Variants in MGMT observed in about 807,000 individuals in gnomAD.
MGMT encodes the protein methylated-DNA--protein-cysteine methyltransferase.
Under a neutral mutation model 15.9 loss-of-function variants are expected in MGMT, and 14 were observed. The observed-to-expected ratio is 0.88, with a 90% CI of 0.58 to 1.37. The LOEUF is 1.37. Ranked by LOEUF, MGMT falls within the 40% of genes most tolerant of loss-of-function variation. The probability of loss-of-function intolerance (pLI) is 0.00; values close to 1 mark genes in which losing one functional copy is unlikely to be tolerated. For missense variants in MGMT, 282 were observed against 268.1 expected (o/e 1.05, Z -0.36); for synonymous variants, 130 against 118.2 (o/e 1.10, Z -0.65).
At chr10:129,597,636 G>A (rs913557619) in intron 2 of MGMT, among the ~76,000 whole-genome samples, 3 of 152,136 alleles carry the variant, frequency 2.0e-5, no homozygotes, top group Non-Finnish European at 2.9e-5. Context: ...TCTGTGACTG[G>A]GGTTAGCAAA....
chr10:129,489,783 C>T (rs532539474), intron 1 of MGMT, among the ~76,000 whole-genome samples: 31 of 152,116 alleles, frequency 2.0e-4, no homozygotes, highest in African/African-American at 2.9e-4. Flanking sequence ...GACTGATATG[C>T]GGAAATGCTA....
intron 2 of MGMT, among the ~76,000 whole-genome samples, chr10:129,588,335 C>T (rs1846641444): frequency 6.6e-6 from 1 of 152,200 alleles, no homozygotes; most frequent in Admixed American, 6.5e-5. Context: ...GCGGATGAGA[C>T]AGTAGATGTG....
intron 2 of MGMT, among the ~76,000 whole-genome samples, chr10:129,633,295 C>T (rs1167609522): frequency 6.6e-6 from 1 of 152,172 alleles, no homozygotes; most frequent in Non-Finnish European, 1.5e-5. Flanking sequence ...TTAGATAATA[C>T]TGACACATGC....
intron 2 of MGMT, among the ~76,000 whole-genome samples, chr10:129,621,941 G>A (rs944091797): frequency 6.6e-6 from 1 of 152,182 alleles, no homozygotes. Flanking sequence ...GTAATATAGA[G>A]ATGACTATTT....
intron 1 of MGMT, among the ~76,000 whole-genome samples, chr10:129,469,923 G>T (rs1845211710): frequency 1.3e-5 from 2 of 152,028 alleles, no homozygotes; most frequent in Non-Finnish European, 2.9e-5. Flanking sequence ...TGTTGCCTAG[G>T]GTGGTCTCGA....
At chr10:129,699,171 G>T (rs2133134125) in intron 2 of MGMT, among the ~76,000 whole-genome samples, 2 of 152,262 alleles carry the variant, frequency 1.3e-5, no homozygotes, top group South Asian at 4.2e-4. Context: ...TGAACATTTG[G>T]AGGGGGGAGG....
At chr10:129,762,188 G>A (rs3829194) in intron 4 of MGMT, among the ~76,000 whole-genome samples, 4 of 152,100 alleles carry the variant, frequency 2.6e-5, no homozygotes, top group Admixed American at 6.5e-5. Context: ...ACGGTGCGTC[G>A]CTGAGACTCG....
intron 2 of MGMT, among the ~76,000 whole-genome samples, chr10:129,645,118 CTT>C (rs10606297): frequency 0.071 from 8,596 of 121,812 alleles, 533 homozygotes; most frequent in African/African-American, 0.19. Flanking sequence ...CCTGAAAGCC[CTT>C]TTTTTTTTTT....
intron 2 of MGMT, among the ~76,000 whole-genome samples, chr10:129,599,905 A>G (rs1021302239): frequency 1.1e-4 from 16 of 152,218 alleles, no homozygotes; most frequent in Non-Finnish European, 2.4e-4. Flanking sequence ...TTAACTGTGC[A>G]TATCCCTGCA....
chr10:129,500,640 C>G (rs1845565801), intron 1 of MGMT, among the ~76,000 whole-genome samples: 1 of 152,140 alleles, frequency 6.6e-6, no homozygotes, highest in Non-Finnish European at 1.5e-5. Flanking sequence ...ACTGTAACCT[C>G]CACCTCCTGA....
rs1848836823 is a variant in MGMT, at chr10:129,758,868, A to C, written c.275-334A>C. ...CAGGCAGGGACTTCTGTGTGTATTA[A>C]TTGAGCCATGAGCTCACTTACACAC... is the stretch of plus-strand genomic sequence containing the variant. On this transcript the variant is annotated intron_variant, in intron 3 of 4. Coordinates refer to ENST00000651593, the MANE Select transcript of MGMT (RefSeq NM_002412.5). Among the ~76,000 whole-genome samples, 4 of 152,216 alleles carry C rather than the reference A, an allele frequency of 2.6e-5. No individual in the cohort carries two copies. The South Asian group carries it at 8.3e-4, about 32-fold the overall frequency.
At chr10:129,751,125 T>C (rs1848746663) in intron 3 of MGMT, among the ~76,000 whole-genome samples, 1 of 152,088 alleles carries the variant, frequency 6.6e-6, no homozygotes, top group African/African-American at 2.4e-5. Flanking sequence ...AATCTTATTT[T>C]TAAAACATTT....
intron 2 of MGMT, among the ~76,000 whole-genome samples, chr10:129,629,798 AG>A (rs1403734305): frequency 2.0e-5 from 3 of 152,204 alleles, no homozygotes; most frequent in Admixed American, 6.5e-5. Flanking sequence ...GACATAGGGA[AG>A]GTATGGCAAG....
intron 2 of MGMT, among the ~76,000 whole-genome samples, chr10:129,573,094 C>T (rs983538440): frequency 3.4e-4 from 51 of 152,120 alleles, no homozygotes; most frequent in African/African-American, 1.2e-3. Context: ...TAAGGTTGAA[C>T]ATTTTTCCTT....
At chr10:129,692,997 GTCAC>G (rs1847986846) in intron 2 of MGMT, among the ~76,000 whole-genome samples, 1 of 152,238 alleles carries the variant, frequency 6.6e-6, no homozygotes, top group African/African-American at 2.4e-5. Context: ...AGGAATAAGT[GTCAC>G]TCAGTCTTTA....
In MGMT at chr10:129,567,839, A is replaced by G. The variant is rs1846373887; in HGVS notation, c.125+31462A>G. Among the ~76,000 whole-genome samples the G allele has an allele frequency of 1.3e-5, 2 of 152,200 alleles. 1 individual carries two copies. The stretch of plus-strand genomic sequence containing the variant: ...AACAGTATATGAAGACCATATCTTA[A>G]AATGATAGATCACCTAATTTTGTTC... On this transcript the variant is annotated intron_variant, in intron 2 of 4. Coordinates refer to ENST00000651593, the MANE Select transcript of MGMT (RefSeq NM_002412.5).
chr10:129,661,722 C>T lies in MGMT; in HGVS notation c.126-46173C>T, dbSNP rs534419114. On this transcript the variant is annotated intron_variant, in intron 2 of 4. Transcript: ENST00000651593. ...TAAAGTTTTCCGCAATTTAATCTGA[C>T]GATCAATTTACTGGAGTTTCCAGTT... is the stretch of plus-strand genomic sequence containing the variant. 1.1e-4 allele frequency among the ~76,000 whole-genome samples: 17 copies of T among 152,252 alleles called. No homozygotes were observed. The South Asian group carries it at 1.7e-3, about 15-fold the overall frequency.
At chr10:129,675,408 G>C (rs907827353) in intron 2 of MGMT, among the ~76,000 whole-genome samples, 26 of 152,218 alleles carry the variant, frequency 1.7e-4, no homozygotes, top group African/African-American at 6.3e-4. Context: ...CAGCAGTGAC[G>C]TCTGTAAGTG....
chr10:129,607,343 A>G (rs777951976), intron 2 of MGMT, among the ~76,000 whole-genome samples: 23 of 152,112 alleles, frequency 1.5e-4, no homozygotes, highest in Non-Finnish European at 2.8e-4. Flanking sequence ...TTAAGGGCTG[A>G]AGTTCCTTTC....
Sources: allele counts gnomAD v4.1 joint callset (sites outside exome capture counted in the v4.1 genomes callset), GRCh38; gene constraint gnomAD v4.1.1; transcripts MANE v1.5; gene names NCBI Gene and HGNC (gene_info 2026-07-23, HGNC 2026-07-21).